Variants in LCTL observed in about 807,000 individuals in gnomAD.
LCTL encodes the protein lactase like, also known as lactase-like protein.
A neutral mutation model predicts 75.8 loss-of-function variants in LCTL; 76 were observed. That is an observed-to-expected ratio of 1.00 (90% CI 0.83 to 1.21). The LOEUF (loss-of-function observed/expected upper bound fraction) is 1.21. LCTL is among the 50% of genes most tolerant of loss of function. The probability of loss-of-function intolerance (pLI) is 0.00; values close to 1 mark genes in which losing one functional copy is unlikely to be tolerated. For missense variants in LCTL, 670 were observed against 712.4 expected (o/e 0.94, Z 0.68); for synonymous variants, 271 against 268.8 (o/e 1.01, Z -0.08).
At chr15:66,551,543 G>T (rs116086115) in intron 11 of LCTL, 119 bp downstream of exon 12, 5 of 758,678 alleles carry the variant, frequency 6.6e-6, no homozygotes, top group African/African-American at 3.5e-5. Context: ...GGGCCATGCC[G>T]CATGCCCCGT....
intron 4 of LCTL, among the ~76,000 whole-genome samples, chr15:66,562,172 G>A (rs555011654): frequency 5.3e-5 from 8 of 152,264 alleles, no homozygotes; most frequent in Admixed American, 3.9e-4. Context: ...GGAGGCCGAG[G>A]CAGCTGGATC....
chr15:66,563,436 G>T, intron 4 of LCTL, 80 bp downstream of exon 5: 1 of 876,856 alleles, frequency 1.1e-6, no homozygotes, highest in Non-Finnish European at 1.9e-6. Context: ...GCTCCACCTT[G>T]GCAACCCAAG....
upstream of LCTL, chr15:66,565,521 G>T: frequency 1.7e-6 from 1 of 582,300 alleles, no homozygotes; most frequent in Non-Finnish European, 3.0e-6. Context: ...AGAGGCTGAG[G>T]CTGGATGTCT....
chr15:66,555,769 G>A (rs4776789), intron 8 of LCTL, among the ~76,000 whole-genome samples: 1,873 of 152,262 alleles, frequency 0.012, 29 homozygotes, highest in African/African-American at 0.042. Context: ...GGAAATATTT[G>A]CATATCATAT....
At chr15:66,552,095 A>G (rs776691186) in exon 10 of LCTL, 18 of 1,611,646 alleles carry the variant, frequency 1.1e-5, no homozygotes, top group South Asian at 7.7e-5. Context: ...TCCACTCATC[A>G]CATAATTGAG....
chr15:66,562,565 T>A (rs886821064), intron 4 of LCTL, among the ~76,000 whole-genome samples: 23 of 152,082 alleles, frequency 1.5e-4, no homozygotes, highest in African/African-American at 4.8e-4. Flanking sequence ...GCTAAACTTG[T>A]TCATTATGCT....
chr15:66,560,786 G>A (rs1393752176), intron 6 of LCTL, among the ~76,000 whole-genome samples: 4 of 152,274 alleles, frequency 2.6e-5, no homozygotes, highest in African/African-American at 9.6e-5. Context: ...CCCTTGGCTA[G>A]GCTGTAAGCT....
chr15:66,552,731 A>T (rs1595932346), intron 9 of LCTL, among the ~76,000 whole-genome samples: 1 of 151,530 alleles, frequency 6.6e-6, no homozygotes, highest in African/African-American at 2.4e-5. Context: ...GTTCTTTGCC[A>T]CATATTCCAG....
chr15:66,560,273 C>T (rs1463636442), intron 6 of LCTL, among the ~76,000 whole-genome samples: 3 of 152,158 alleles, frequency 2.0e-5, no homozygotes, highest in Non-Finnish European at 4.4e-5. Flanking sequence ...TCCTTTGGGG[C>T]CAATCCCGCA....
chr15:66,554,531 G>A (rs1567059340), intron 8 of LCTL, among the ~76,000 whole-genome samples: 1 of 152,222 alleles, frequency 6.6e-6, no homozygotes, highest in African/African-American at 2.4e-5. Flanking sequence ...GTGATGGTAT[G>A]TCCTATCTTT....
intron 6 of LCTL, among the ~76,000 whole-genome samples, chr15:66,559,862 G>T (rs2140847732): frequency 1.3e-5 from 2 of 152,098 alleles, no homozygotes; most frequent in South Asian, 4.2e-4. Context: ...CGAGGTAAGG[G>T]AATCACCTGA....
chr15:66,548,470 C>T, exon 13 of LCTL: 1 of 1,398,524 alleles, frequency 7.2e-7, no homozygotes, highest in Non-Finnish European at 1.0e-6. Context: ...TTATGAAGCT[C>T]CAAAATTGAT....
At chr15:66,554,841 G>A (rs1265468403) in intron 8 of LCTL, among the ~76,000 whole-genome samples, 1 of 152,162 alleles carries the variant, frequency 6.6e-6, no homozygotes, top group Non-Finnish European at 1.5e-5. Flanking sequence ...AATGTTGCGT[G>A]TAATCATAAG....
At chr15:66,563,881 T>A (rs1282080105) in intron 3 of LCTL, 30 bp downstream of exon 4, 1 of 1,576,522 alleles carries the variant, frequency 6.3e-7, no homozygotes, top group Non-Finnish European at 8.7e-7. Context: ...GGGGCCTCAC[T>A]TGGGTTCAAG....
chr15:66,563,474 G>T, intron 4 of LCTL, 42 bp downstream of exon 5: 1 of 1,444,748 alleles, frequency 6.9e-7, no homozygotes, highest in Non-Finnish European at 9.7e-7. Context: ...CTCCTGCTTA[G>T]TTGAGTCCCC....
upstream of LCTL, among the ~76,000 whole-genome samples, chr15:66,565,703 C>T (rs1896008526): frequency 6.6e-6 from 1 of 152,178 alleles, no homozygotes; most frequent in South Asian, 2.1e-4. Context: ...TCTGAGGGGG[C>T]AGGTGGGAAA....
intron 11 of LCTL, 163 bp from the exon 13 acceptor site, chr15:66,550,267 G>C: frequency 1.8e-6 from 1 of 568,424 alleles, no homozygotes; most frequent in Admixed American, 3.4e-5. Flanking sequence ...AATATTTACT[G>C]TACATCCATG....
Position 66,563,905 on chromosome 15 carries a change from GC to G in LCTL, c.370+5del. On this transcript the variant is annotated splice_donor_5th_base_variant and intron_variant, in intron 3 of 12. Coordinates refer to ENST00000341509, the Ensembl canonical transcript of LCTL. Reference sequence around the variant, plus strand: ...CTTGGGTTCAAGAGGGGCTTCCCTAGCTCACCTCGGATGCCTGTGGGCAGGA... The same window carrying G: ...CTTGGGTTCAAGAGGGGCTTCCCTAGTCACCTCGGATGCCTGTGGGCAGGA... 1 of 1,612,600 alleles carries G rather than the reference GC, an allele frequency of 6.2e-7. No individual in the cohort carries two copies.
intron 4 of LCTL, among the ~76,000 whole-genome samples, chr15:66,562,747 C>G (rs138898434): frequency 2.2e-3 from 341 of 152,138 alleles, no homozygotes; most frequent in African/African-American, 7.8e-3. Flanking sequence ...CCACGTCTGG[C>G]TAAGTTTTGT....
Sources: allele counts gnomAD v4.1 joint callset (sites outside exome capture counted in the v4.1 genomes callset), GRCh38; gene constraint gnomAD v4.1.1; transcripts MANE v1.5; gene names NCBI Gene and HGNC (gene_info 2026-07-23, HGNC 2026-07-21).